CHD2: variants seen among roughly 807,000 people sequenced by gnomAD.
The protein encoded by CHD2 is chromodomain helicase DNA binding protein 2.
In CHD2, 28 loss-of-function variants were observed where a neutral mutation model predicts 243.9. That is an observed-to-expected ratio of 0.11 (90% CI 0.09 to 0.16). The LOEUF (loss-of-function observed/expected upper bound fraction) is 0.16, where lower values mean the gene tolerates loss of function less well. Ranked by LOEUF, CHD2 falls within the 10% of genes least tolerant of loss-of-function variation. CHD2 has a pLI of 1.00. For missense variants in CHD2, 1,386 were observed against 2,209.8 expected, an observed-to-expected ratio of 0.63 and a Z score of 7.47; for synonymous variants, 775 against 779.0, an observed-to-expected ratio of 0.99 and a Z score of 0.09.
chr15:92,952,114 G>A (rs1452662281), intron 13 of CHD2, among the ~76,000 whole-genome samples: 13 of 152,118 alleles, frequency 8.5e-5, no homozygotes, highest in Admixed American at 4.6e-4. Context: ...CAAAATGACT[G>A]TATTCTGTTT....
chr15:92,914,514 A>G (rs2052798611), intron 2 of CHD2, among the ~76,000 whole-genome samples: 1 of 152,216 alleles, frequency 6.6e-6, no homozygotes, highest in Non-Finnish European at 1.5e-5. Context: ...AGTATGCATG[A>G]TGAGGCTAAG....
Position 92,900,629 on chromosome 15 carries a change from G to A in CHD2, c.-267G>A. ...CTCCATTTTTGTGCGCTCTCCTAAT[G>A]AGGTTTTTTTTCTTTCGGACCTGTT... On this transcript the variant is annotated 5_prime_UTR_variant, in exon 1 of 39. The change abolishes an upstream ATG in the 5' untranslated region. Transcript: ENST00000394196. 2.5e-6 allele frequency: 1 copy of A among 398,438 alleles called. No homozygotes were observed. The highest frequency in any genetic ancestry group is 6.3e-4 in the Middle Eastern group (1 of 1,588). The allele number at this position is 398,438 out of a possible 1,614,324, so 24.7% of individuals were successfully genotyped here. A position where few individuals can be genotyped will look rare whatever the true frequency, so the allele number is the denominator to read the frequency against.
At chr15:92,946,001 C>T in intron 11 of CHD2, 37 bp from the exon 12 acceptor site, 1 of 1,526,092 alleles carries the variant, frequency 6.6e-7, no homozygotes, top group South Asian at 1.3e-5. Flanking sequence ...TTTTAATTGA[C>T]AGTTGCTAAT....
chr15:92,927,373 T>TCTTA lies in CHD2; in HGVS notation c.381+47_381+50dup, dbSNP rs750456214. ...TAAGGGCATGCATTTAAACTCCCTA[T>TCTTA]CTTACTTCATTCTTTCTGACTCTGG... On this transcript the variant is annotated intron_variant, in intron 4 of 38. Transcript: ENST00000394196. The TCTTA allele has an allele frequency of 2.9e-6, 4 of 1,376,714 alleles. No homozygotes were observed. In the South Asian group the frequency reaches 3.5e-5, roughly 12 times the overall value. 85.3% of individuals were successfully genotyped at this position (1,376,714 alleles called of 1,614,324 possible).
chr15:92,942,384 A>C (rs2053396167), intron 8 of CHD2, among the ~76,000 whole-genome samples: 1 of 150,666 alleles, frequency 6.6e-6, no homozygotes, highest in Non-Finnish European at 1.5e-5. Context: ...CCAAAATAAT[A>C]CTTAATGCTT....
chr15:92,940,073 T>A (rs2053334150), intron 7 of CHD2, among the ~76,000 whole-genome samples: 1 of 152,194 alleles, frequency 6.6e-6, no homozygotes, highest in Non-Finnish European at 1.5e-5. Context: ...ATCACAGACG[T>A]TTTTCTGAGG....
Position 92,985,940 on chromosome 15 carries a change from G to A in CHD2, c.3413+267G>A, listed in dbSNP as rs780267251. 2.2e-4 allele frequency among the ~76,000 whole-genome samples: 33 copies of A among 152,006 alleles called. 1 individual carries two copies. Among genetic ancestry groups the A allele is most frequent in the Non-Finnish European group, 5.9e-5 (4 of 68,002 alleles). On this transcript the variant is annotated intron_variant, in intron 26 of 38. Transcript: ENST00000394196. The stretch of plus-strand genomic sequence containing the variant: ...AGAACATTTTCACAAAGTTCAGCTC[G>A]GGGAAGGAGATAATTGACATACATG...
rs536182862 is a variant in CHD2 at position 92,951,545 on chromosome 15, C to T, written c.1503-1812C>T. Among the ~76,000 whole-genome samples, 13 of 152,262 alleles carry T rather than the reference C, an allele frequency of 8.5e-5. No individual in the cohort carries two copies. The South Asian group carries it at 2.7e-3, about 32-fold the overall frequency. On this transcript the variant is annotated intron_variant, in intron 13 of 38. Coordinates refer to ENST00000394196, the MANE Select transcript of CHD2 (RefSeq NM_001271.4). ...TCAAGCACCTGTTAAGCCCTGGTCA[C>T]AGGAATGTTACTACATTACATAATG...
chr15:92,977,599 TCTA>T (rs1423834895), intron 20 of CHD2, among the ~76,000 whole-genome samples: 2 of 152,074 alleles, frequency 1.3e-5, no homozygotes, highest in Admixed American at 1.3e-4. Context: ...TTGCCCAGTG[TCTA>T]CTGTCATTGC....
intron 15 of CHD2, among the ~76,000 whole-genome samples, chr15:92,955,958 G>C (rs1012091468): frequency 1.3e-5 from 2 of 152,154 alleles, no homozygotes; most frequent in African/African-American, 4.8e-5. Context: ...GATGTGAATG[G>C]TCTTTGTGAG....
chr15:92,902,995 C>T (rs2052551749), intron 2 of CHD2, among the ~76,000 whole-genome samples: 1 of 152,182 alleles, frequency 6.6e-6, no homozygotes. Flanking sequence ...GTGGAGGTTA[C>T]AGCTGTACAT....
intron 24 of CHD2, among the ~76,000 whole-genome samples, chr15:92,982,347 C>G (rs1202135097): frequency 6.6e-6 from 1 of 152,120 alleles, no homozygotes; most frequent in African/African-American, 2.4e-5. Flanking sequence ...TTGGGACAGC[C>G]ATGGATGAGG....
At position 93,013,946 on chromosome 15, in the gene CHD2, A is replaced by G. The variant is rs2054425809; in HGVS notation, c.4693-750A>G. On this transcript the variant is annotated intron_variant, in intron 36 of 38. Transcript: ENST00000394196. ...TCTGTCTCAAAAAAAAAAAAAAAAA[A>G]AAAAAAAAAATACAGAAAACAAAAA... is the stretch of plus-strand genomic sequence containing the variant. 4.0e-5 allele frequency among the ~76,000 whole-genome samples: 6 copies of G among 151,318 alleles called. 1 individual carries two copies.
At chr15:92,925,950 C>T (rs775060048) in intron 3 of CHD2, among the ~76,000 whole-genome samples, 8 of 151,964 alleles carry the variant, frequency 5.3e-5, no homozygotes, top group Non-Finnish European at 1.0e-4. Context: ...TTGATAATGT[C>T]CTTTCTTAGT....
chr15:93,008,695 C>G (rs949165358), intron 34 of CHD2, among the ~76,000 whole-genome samples: 1 of 152,144 alleles, frequency 6.6e-6, no homozygotes, highest in South Asian at 2.1e-4. Context: ...AGAAAAGATG[C>G]TTGTGTTCTG....
In CHD2 at chr15:92,967,764, G is replaced by T. The variant is rs11632522; in HGVS notation, c.2189+251G>T. ...GGCTGGTCTTGAACTCCCGACCTCA[G>T]GTGATCCGCCCACCTCGGCCTCCCA... On this transcript the variant is annotated intron_variant, in intron 17 of 38. Coordinates refer to ENST00000394196, the MANE Select transcript of CHD2 (RefSeq NM_001271.4). 0.17 allele frequency among the ~76,000 whole-genome samples: 26,314 copies of T among 151,860 alleles called. 3,031 individuals carry two copies. The highest frequency in any genetic ancestry group is 0.26 in the Non-Finnish European group (17,319 of 67,900).
At chr15:93,005,656 A>T (rs1366163434) in intron 34 of CHD2, among the ~76,000 whole-genome samples, 1 of 152,082 alleles carries the variant, frequency 6.6e-6, no homozygotes, top group African/African-American at 2.4e-5. Context: ...TAAAACCTAT[A>T]CACGTATGTA....
intron 20 of CHD2, among the ~76,000 whole-genome samples, chr15:92,976,814 C>T (rs1429867380): frequency 2.0e-5 from 3 of 151,050 alleles, no homozygotes; most frequent in Admixed American, 2.0e-4. Context: ...CAGGAGGATC[C>T]CTTGAGACCA....
chr15:93,016,058 C>A (rs551856900), intron 37 of CHD2, among the ~76,000 whole-genome samples: 5 of 152,302 alleles, frequency 3.3e-5, no homozygotes, highest in Non-Finnish European at 7.3e-5. Flanking sequence ...CCTGCACTTA[C>A]ATATTCATTG....
Sources: gnomAD v4.1 joint callset for allele counts (sites outside exome capture counted in the v4.1 genomes callset) on GRCh38, gnomAD v4.1.1 for gene constraint, MANE v1.5 for transcripts, NCBI Gene and HGNC (gene_info 2026-07-23, HGNC 2026-07-21) for gene names.